STAMBP: variants seen among roughly 807,000 people sequenced by gnomAD.
STAMBP encodes STAM-binding protein.
STAMBP carries 31 observed loss-of-function variants against 50.7 expected under a neutral mutation model. The observed-to-expected ratio is 0.61, with a 90% confidence interval of 0.46 to 0.83. The LOEUF (loss-of-function observed/expected upper bound fraction) is 0.83. Ranked by LOEUF, STAMBP falls within the 40% of genes least tolerant of loss-of-function variation. STAMBP has a pLI of 0.00. For synonymous variants in STAMBP, 211 were observed against 192.4 expected, an observed-to-expected ratio of 1.10 and a Z score of -0.80; for missense variants, 472 against 518.9, an observed-to-expected ratio of 0.91 and a Z score of 0.88.
At chr2:73,858,138 A>G (rs983844787) in intron 7 of STAMBP, among the ~76,000 whole-genome samples, 1 of 138,776 alleles carries the variant, frequency 7.2e-6, no homozygotes, top group Non-Finnish European at 1.5e-5. Flanking sequence ...GCGTGCCACC[A>G]CGCCTGGCTA....
intron 5 of STAMBP, among the ~76,000 whole-genome samples, chr2:73,848,829 C>G (rs568920379): frequency 9.3e-4 from 142 of 152,300 alleles, no homozygotes; most frequent in African/African-American, 3.3e-3. Flanking sequence ...GTATTAGATT[C>G]TGACAGAAAA....
At chr2:73,855,146 T>G (rs1250430132) in intron 7 of STAMBP, among the ~76,000 whole-genome samples, 1 of 152,214 alleles carries the variant, frequency 6.6e-6, no homozygotes, top group Non-Finnish European at 1.5e-5. Flanking sequence ...GATCACCAAC[T>G]GTTGTCAAAC....
chr2:73,835,868 A>G (rs967685623), intron 2 of STAMBP, among the ~76,000 whole-genome samples: 1 of 152,036 alleles, frequency 6.6e-6, no homozygotes, highest in African/African-American at 2.4e-5. Flanking sequence ...GTCAAGTGGG[A>G]GGTTGAATGT....
At chr2:73,857,839 C>A (rs188572053) in intron 7 of STAMBP, among the ~76,000 whole-genome samples, 6 of 152,242 alleles carry the variant, frequency 3.9e-5, no homozygotes, top group East Asian at 1.9e-4. Flanking sequence ...TCAGACAAAT[C>A]CTCATCTGTT....
chr2:73,861,514 T>C (rs1233746659), intron 9 of STAMBP, among the ~76,000 whole-genome samples: 1 of 151,294 alleles, frequency 6.6e-6, no homozygotes, highest in Non-Finnish European at 1.5e-5. Flanking sequence ...TTTTTTGTTT[T>C]TGTTTTTGTT....
At position 73,860,094 on chromosome 2, in the gene STAMBP, T is replaced by A. The variant is rs1297291914; in HGVS notation, c.1161T>A (p.Ile387=). Residue 387 remains isoleucine (I), a synonymous_variant, in exon 9 of 10, where the codon ATT becomes ATA. Transcript: ENST00000394070. ...FKLTDHGLEE[I]SSCRQKGFHP... is the part of the protein sequence containing the mutation. ...TAACTGACCATGGACTAGAGGAGAT[T>A]TCTTCCTGTCGCCAGAAAGGATTTC... The A allele has an allele frequency of 1.9e-6, 3 of 1,613,214 alleles. No homozygotes were observed. The South Asian group carries it at 3.3e-5, about 18-fold the overall frequency.
chr2:73,852,982 A>G (rs1161839155), intron 7 of STAMBP, among the ~76,000 whole-genome samples: 1 of 146,382 alleles, frequency 6.8e-6, no homozygotes, highest in Non-Finnish European at 1.5e-5. Flanking sequence ...GGGTTTCACT[A>G]TGTTGGCCAG....
intron 2 of STAMBP, 137 bp downstream of exon 2, chr2:73,831,196 G>A: frequency 1.5e-6 from 1 of 676,668 alleles, no homozygotes; most frequent in Non-Finnish European, 2.6e-6. Flanking sequence ...CATATTGGCT[G>A]TCCTTGCCGT....
intron 2 of STAMBP, among the ~76,000 whole-genome samples, chr2:73,841,487 T>C (rs559848914): frequency 5.9e-5 from 9 of 152,232 alleles, no homozygotes; most frequent in Non-Finnish European, 1.3e-4. Context: ...AGTACTAGTT[T>C]GTCTCCATCT....
At position 73,830,972 on chromosome 2, in the gene STAMBP, C is replaced by G; in HGVS notation, c.116C>G (p.Ser39Cys). 1.2e-6 allele frequency: 2 copies of G among 1,614,190 alleles called. No individual in the cohort carries two copies. Among genetic ancestry groups the G allele is most frequent in the Non-Finnish European group, 1.7e-6 (2 of 1,180,034 alleles). ...EDIPPRRYFR[S>C]GVEIIRMASI... ...ATTCCACCCCGTCGGTACTTCCGCT[C>G]TGGAGTTGAGATTATCCGAATGGCA... The change falls in exon 2 of 10, where the codon TCT (serine) becomes TGT (cysteine). Residue 39 changes from serine to cysteine, a missense_variant. Transcript: ENST00000394070.
chr2:73,858,203 A>C (rs1436838448), intron 7 of STAMBP, among the ~76,000 whole-genome samples: 1 of 121,652 alleles, frequency 8.2e-6, no homozygotes, highest in Non-Finnish European at 1.6e-5. Context: ...ACAGGGTTTC[A>C]CCATGTTAGC....
At chr2:73,856,756 A>T (rs1677595462) in intron 7 of STAMBP, among the ~76,000 whole-genome samples, 2 of 152,226 alleles carry the variant, frequency 1.3e-5, no homozygotes, top group East Asian at 3.8e-4. Context: ...GGAAATATCA[A>T]CAAACAACCC....
intron 7 of STAMBP, among the ~76,000 whole-genome samples, chr2:73,856,031 A>T (rs6747986): frequency 0.038 from 5,848 of 152,318 alleles, 375 homozygotes; most frequent in African/African-American, 0.13. Flanking sequence ...CACCTCCTCT[A>T]AGATGAACAT....
At chr2:73,834,209 TAAAAAAAAAAAAAAA>T (rs1171586160) in intron 2 of STAMBP, among the ~76,000 whole-genome samples, 15 of 8,544 alleles carry the variant, frequency 1.8e-3, no homozygotes, top group Non-Finnish European at 2.9e-3. Flanking sequence ...GATCATGTCT[TAAAAAAAAAAAAAAA>T]AAAAAAAAAA....
At position 73,863,329 on chromosome 2, in the gene STAMBP, C is replaced by T. The variant is rs1477746423; in HGVS notation, c.*1070C>T. Reference sequence around the variant, plus strand: ...TACTGCAATTTTCTGTGAGCTGAGCCTGGTGTTCTAGGTGGCCTAGAAATA... The same window carrying T: ...TACTGCAATTTTCTGTGAGCTGAGCTTGGTGTTCTAGGTGGCCTAGAAATA... On this transcript the variant is annotated 3_prime_UTR_variant, in exon 10 of 10. Transcript: ENST00000394070. The T allele has an allele frequency of 6.6e-6, 1 of 152,130 alleles. No homozygotes were observed. The highest frequency in any genetic ancestry group is 1.5e-5 in the Non-Finnish European group (1 of 68,030). The allele number at this position is 152,130 out of a possible 1,614,324, so 9.4% of individuals were successfully genotyped here.
rs1553387343 is a variant in STAMBP, at chr2:73,862,150, A to G, written c.1219-53A>G. ...AGACCCTATATGAAGAAAAAAAAAA[A>G]AAAGACTTTTCAGAATTTTCTAGGA... On this transcript the variant is annotated intron_variant, in intron 9 of 9. Coordinates refer to ENST00000394070, the MANE Select transcript of STAMBP (RefSeq NM_213622.4). 81 of 1,550,788 alleles carry G rather than the reference A, an allele frequency of 5.2e-5. No homozygotes were observed. In the South Asian group the frequency reaches 9.7e-4, roughly 19 times the overall value.
intron 4 of STAMBP, among the ~76,000 whole-genome samples, chr2:73,846,327 C>T (rs1676047458): frequency 6.6e-6 from 1 of 151,884 alleles, no homozygotes; most frequent in African/African-American, 2.4e-5. Context: ...GAAGGCAAGA[C>T]GTGGTGGCTC....
At chr2:73,853,054 G>A (rs1677072478) in intron 7 of STAMBP, among the ~76,000 whole-genome samples, 1 of 152,048 alleles carries the variant, frequency 6.6e-6, no homozygotes, top group Non-Finnish European at 1.5e-5. Flanking sequence ...ACCGCACCCG[G>A]CCAAGGAAGG....
intron 3 of STAMBP, 22 bp from the exon 4 acceptor site, chr2:73,845,145 T>C (rs1286028861): frequency 1.9e-6 from 3 of 1,610,184 alleles, no homozygotes; most frequent in Non-Finnish European, 2.5e-6. Context: ...GTTCTAATTC[T>C]ATTTTCTGTT....
Sources: gnomAD v4.1 joint callset for allele counts (sites outside exome capture counted in the v4.1 genomes callset) on GRCh38, gnomAD v4.1.1 for gene constraint, MANE v1.5 for transcripts, NCBI Gene and HGNC (gene_info 2026-07-23, HGNC 2026-07-21) for gene names.